IFT57: variants seen among roughly 807,000 people sequenced by gnomAD.
IFT57 encodes intraflagellar transport 57.
Under a neutral mutation model 56.8 loss-of-function variants are expected in IFT57, and 59 were observed. That is an observed-to-expected ratio of 1.04 (90% CI 0.84 to 1.29). The LOEUF (loss-of-function observed/expected upper bound fraction) is 1.29, where lower values mean the gene tolerates loss of function less well. IFT57 is among the 50% of genes most tolerant of loss of function. The pLI is 0.00. For synonymous variants in IFT57, 209 were observed against 186.1 expected, an observed-to-expected ratio of 1.12 and a Z score of -1.00; for missense variants, 470 against 522.1, an observed-to-expected ratio of 0.90 and a Z score of 0.97.
Position 108,161,465 on chromosome 3 carries a change from T to A in IFT57, c.*1012A>T, listed in dbSNP as rs1400672721. 2.6e-5 allele frequency: 4 copies of A among 152,054 alleles called. No individual in the cohort carries two copies. The highest frequency in any genetic ancestry group is 4.4e-5 in the Non-Finnish European group (3 of 68,002). The allele number at this position is 152,054 out of a possible 1,614,324, so 9.4% of individuals were successfully genotyped here. Reference sequence around the variant, plus strand: ...AGTATTAGGGTAAAAAATAACTTTTTAAAATTATTTTTGTTGTCCTAAACA... The same window carrying A: ...AGTATTAGGGTAAAAAATAACTTTTAAAAATTATTTTTGTTGTCCTAAACA... On this transcript the variant is annotated 3_prime_UTR_variant, in exon 11 of 11. Transcript: ENST00000264538.
chr3:108,216,847 T>C (rs2080375671), intron 3 of IFT57, among the ~76,000 whole-genome samples: 1 of 152,158 alleles, frequency 6.6e-6, no homozygotes, highest in Non-Finnish European at 1.5e-5. Flanking sequence ...GAGGACACTA[T>C]GTCAAGTGAA....
At chr3:108,203,420 T>C (rs975272680) in intron 5 of IFT57, among the ~76,000 whole-genome samples, 4 of 152,218 alleles carry the variant, frequency 2.6e-5, no homozygotes, top group African/African-American at 9.6e-5. Context: ...TATGCTTGTG[T>C]AGGTACAACT....
rs985205159 is a variant in IFT57, at chr3:108,162,129, T to C, written c.*348A>G. The C allele has an allele frequency of 4.1e-5, 7 of 170,654 alleles. No individual in the cohort carries two copies. Among genetic ancestry groups the C allele is most frequent in the African/African-American group, 1.4e-4 (6 of 42,016 alleles). The allele number at this position is 170,654 out of a possible 1,614,324, so 10.6% of individuals were successfully genotyped here. ...GCAGAGGTGGAGCAAGGTAAAGGACTGTGTCAGCAGTTCATGTTGTGACAG... is the reference window on the plus strand; with the variant it reads ...GCAGAGGTGGAGCAAGGTAAAGGACCGTGTCAGCAGTTCATGTTGTGACAG... On this transcript the variant is annotated 3_prime_UTR_variant, in exon 11 of 11. Coordinates refer to ENST00000264538, the MANE Select transcript of IFT57 (RefSeq NM_018010.4).
chr3:108,215,544 G>A (rs548525862), intron 3 of IFT57, among the ~76,000 whole-genome samples: 2 of 151,928 alleles, frequency 1.3e-5, no homozygotes, highest in African/African-American at 4.8e-5. Context: ...TCTTAAAAAC[G>A]AAAACCCATG....
At chr3:108,207,433 G>T (rs985014083) in intron 4 of IFT57, among the ~76,000 whole-genome samples, 1 of 151,978 alleles carries the variant, frequency 6.6e-6, no homozygotes, top group African/African-American at 2.4e-5. Flanking sequence ...ATGTCTTTGT[G>T]GTGACAAGTG....
chr3:108,178,287 T>C (rs951624889), intron 6 of IFT57, among the ~76,000 whole-genome samples: 2 of 151,788 alleles, frequency 1.3e-5, no homozygotes. Flanking sequence ...GAATCAAACT[T>C]AGATGGATTG....
At chr3:108,191,160 G>T (rs1183749179) in intron 6 of IFT57, among the ~76,000 whole-genome samples, 4 of 152,074 alleles carry the variant, frequency 2.6e-5, no homozygotes, top group Admixed American at 1.3e-4. Flanking sequence ...TTTCTGTTTT[G>T]CCATGCAGCA....
intron 5 of IFT57, among the ~76,000 whole-genome samples, chr3:108,195,078 G>C (rs1560115994): frequency 1.3e-5 from 2 of 151,954 alleles, no homozygotes; most frequent in Non-Finnish European, 2.9e-5. Flanking sequence ...CATCTGAAAG[G>C]GGATTAACAA....
intron 8 of IFT57, 112 bp downstream of exon 8, chr3:108,166,742 T>C: frequency 1.1e-6 from 1 of 869,674 alleles, no homozygotes; most frequent in South Asian, 3.0e-5. Flanking sequence ...AAAATTGATG[T>C]TTTGCTGTTC....
intron 3 of IFT57, among the ~76,000 whole-genome samples, chr3:108,217,346 T>C (rs1222064296): frequency 1.3e-5 from 2 of 152,122 alleles, no homozygotes; most frequent in Non-Finnish European, 2.9e-5. Context: ...CCATAGCTTC[T>C]GGTGAATTTA....
chr3:108,205,927 AATAT>A (rs1439311025), intron 5 of IFT57, among the ~76,000 whole-genome samples: 2 of 120,582 alleles, frequency 1.7e-5, no homozygotes, highest in East Asian at 3.2e-4. Flanking sequence ...TATTATTTAT[AATAT>A]ATAAATATAT....
intron 6 of IFT57, among the ~76,000 whole-genome samples, chr3:108,178,761 G>A (rs1217058567): frequency 6.6e-6 from 1 of 151,802 alleles, no homozygotes; most frequent in African/African-American, 2.4e-5. Flanking sequence ...ACAAAGATAT[G>A]AAGCAATTGG....
intron 5 of IFT57, among the ~76,000 whole-genome samples, chr3:108,203,273 C>T (rs1349626628): frequency 6.6e-6 from 1 of 152,202 alleles, no homozygotes; most frequent in East Asian, 1.9e-4. Flanking sequence ...CCTCTCCCTT[C>T]CTTTCACATG....
At chr3:108,180,432 A>G (rs1212935291) in intron 6 of IFT57, among the ~76,000 whole-genome samples, 2 of 152,014 alleles carry the variant, frequency 1.3e-5, no homozygotes, top group East Asian at 3.9e-4. Flanking sequence ...TAATTATTTT[A>G]TAAGATGCTG....
chr3:108,209,110 A>G (rs182466888), intron 4 of IFT57, among the ~76,000 whole-genome samples: 198 of 152,328 alleles, frequency 1.3e-3, no homozygotes, highest in Non-Finnish European at 2.6e-3. Flanking sequence ...AACTACAAGC[A>G]TGTGACCAGT....
intron 6 of IFT57, among the ~76,000 whole-genome samples, chr3:108,183,150 A>C (rs775253500): frequency 6.6e-6 from 1 of 152,108 alleles, no homozygotes; most frequent in Non-Finnish European, 1.5e-5. Context: ...AATATTATTA[A>C]TGATTATTTG....
chr3:108,171,112 A>G (rs560585253), intron 6 of IFT57, among the ~76,000 whole-genome samples: 176 of 152,002 alleles, frequency 1.2e-3, no homozygotes, highest in African/African-American at 4.0e-3. Flanking sequence ...CATTCTACCT[A>G]TTATTTAACT....
At chr3:108,194,767 T>A (rs915371908) in intron 5 of IFT57, among the ~76,000 whole-genome samples, 1 of 152,174 alleles carries the variant, frequency 6.6e-6, no homozygotes, top group African/African-American at 2.4e-5. Flanking sequence ...TACATGGTGC[T>A]GGAAAAACTG....
intron 6 of IFT57, among the ~76,000 whole-genome samples, chr3:108,187,829 A>T (rs1372664299): frequency 1.3e-5 from 2 of 151,564 alleles, no homozygotes; most frequent in African/African-American, 4.9e-5. Flanking sequence ...AAAATAATAC[A>T]TTTCTTTTCT....
Sources: allele counts gnomAD v4.1 joint callset (sites outside exome capture counted in the v4.1 genomes callset), GRCh38; gene constraint gnomAD v4.1.1; transcripts MANE v1.5; gene names NCBI Gene and HGNC (gene_info 2026-07-23, HGNC 2026-07-21).